TENM3: variants seen among roughly 807,000 people sequenced by gnomAD.
The protein encoded by TENM3 is teneurin-3.
TENM3 carries 63 observed loss-of-function variants against 255.1 expected under a neutral mutation model. The observed-to-expected ratio is 0.25, with a 90% CI of 0.20 to 0.30. TENM3 has a LOEUF of 0.30. Ranked by LOEUF, TENM3 falls within the 10% of genes least tolerant of loss-of-function variation. TENM3 has a pLI of 1.00. For synonymous variants in TENM3, 1,306 were observed against 1,322.3 expected, an observed-to-expected ratio of 0.99 and a Z score of 0.27; for missense variants, 2,929 against 3,461.1, an observed-to-expected ratio of 0.85 and a Z score of 3.86.
the TENM3 span, among the ~76,000 whole-genome samples, chr4:181,658,480 C>A: frequency 1.3e-5 from 2 of 152,138 alleles, no homozygotes; most frequent in Non-Finnish European, 1.5e-5. Flanking sequence ...AAAGGAAAAG[C>A]CCCGCTGGAC....
intron 3 of TENM3, among the ~76,000 whole-genome samples, chr4:182,589,933 G>A (rs1041069670): frequency 6.6e-5 from 10 of 152,126 alleles, no homozygotes; most frequent in African/African-American, 1.9e-4. Context: ...AGCCGAGATC[G>A]CACCGCTGCA....
chr4:181,891,789 C>T, the TENM3 span, among the ~76,000 whole-genome samples: 6,802 of 152,156 alleles, frequency 0.045, 236 homozygotes, highest in Non-Finnish European at 0.072. Context: ...AAAATGAATC[C>T]TTTGCCTAAC....
the TENM3 span, among the ~76,000 whole-genome samples, chr4:181,714,283 G>GAA: frequency 6.7e-4 from 101 of 151,540 alleles, no homozygotes; most frequent in African/African-American, 2.3e-3. Context: ...AAAGAAGTTA[G>GAA]AAAAAAAAAT....
At chr4:181,542,675 T>C in the TENM3 span, among the ~76,000 whole-genome samples, 2 of 152,202 alleles carry the variant, frequency 1.3e-5, no homozygotes, top group Non-Finnish European at 2.9e-5. Flanking sequence ...AAATTTAGAT[T>C]AACTGGCTCT....
At chr4:182,737,141 T>C in intron 17 of TENM3, 66 bp downstream of exon 17, 1 of 1,514,684 alleles carries the variant, frequency 6.6e-7, no homozygotes, top group Non-Finnish European at 9.0e-7. Context: ...CATAAATTAA[T>C]TGTAACCCAG....
In TENM3 at chr4:182,291,840, C is replaced by G. The variant is rs73869910; in HGVS notation, c.-75-32106C>G. 6.6e-3 allele frequency among the ~76,000 whole-genome samples: 1,000 copies of G among 152,222 alleles called. 13 individuals carry two copies. Among genetic ancestry groups the G allele is most frequent in the African/African-American group, 0.022 (919 of 41,538 alleles). On this transcript the variant is annotated intron_variant, in intron 1 of 27. Coordinates refer to ENST00000511685, the MANE Select transcript of TENM3 (RefSeq NM_001080477.4). ...GGGTCGCGTTCCCATGGCATATTGT[C>G]TCCAGGCGCTCTAGGGTCTTAAACT...
intron 1 of TENM3, among the ~76,000 whole-genome samples, chr4:182,202,399 G>A (rs772634482): frequency 2.9e-4 from 42 of 147,198 alleles, no homozygotes; most frequent in Non-Finnish European, 5.9e-4. Flanking sequence ...TCTGCCTCCC[G>A]GGTTCAAGTG....
chr4:181,614,609 G>A, the TENM3 span, among the ~76,000 whole-genome samples: 3 of 152,178 alleles, frequency 2.0e-5, no homozygotes, highest in Admixed American at 2.0e-4. Context: ...GCATTCAACT[G>A]TTCTTCCTGC....
intron 5 of TENM3, among the ~76,000 whole-genome samples, chr4:182,650,368 T>C (rs1013853518): frequency 4.0e-5 from 6 of 150,396 alleles, no homozygotes; most frequent in Non-Finnish European, 8.9e-5. Context: ...GGATCCTTTG[T>C]GCCATCCATG....
chr4:181,535,734 A>G, the TENM3 span, among the ~76,000 whole-genome samples: 3 of 152,260 alleles, frequency 2.0e-5, no homozygotes, highest in South Asian at 6.2e-4. Context: ...CTCGGAGACC[A>G]TGGACTTCCT....
the TENM3 span, among the ~76,000 whole-genome samples, chr4:181,467,322 A>G: frequency 6.7e-6 from 1 of 149,434 alleles, no homozygotes; most frequent in Non-Finnish European, 1.5e-5. Flanking sequence ...TTTAGTAGAG[A>G]CGGGGTTTCG....
chr4:182,621,065 C>T (rs1163299833), intron 4 of TENM3, among the ~76,000 whole-genome samples: 1 of 151,948 alleles, frequency 6.6e-6, no homozygotes, highest in Non-Finnish European at 1.5e-5. Context: ...CCTGTAGTCC[C>T]AGCCACTCGG....
intron 1 of TENM3, among the ~76,000 whole-genome samples, chr4:182,204,018 C>T (rs903123641): frequency 6.6e-6 from 1 of 152,146 alleles, no homozygotes; most frequent in African/African-American, 2.4e-5. Context: ...AGGGTAGACA[C>T]TAATGAAGCA....
chr4:181,750,962 C>T, the TENM3 span, among the ~76,000 whole-genome samples: 1 of 152,150 alleles, frequency 6.6e-6, no homozygotes, highest in African/African-American at 2.4e-5. Context: ...TAGGCTGTAT[C>T]TGCTTCTACA....
At chr4:181,862,164 T>C in the TENM3 span, among the ~76,000 whole-genome samples, 1 of 152,214 alleles carries the variant, frequency 6.6e-6, no homozygotes, top group East Asian at 1.9e-4. Context: ...ACAAAATAGA[T>C]ATTTAATTAA....
At chr4:182,338,701 C>T (rs530883058) in intron 2 of TENM3, among the ~76,000 whole-genome samples, 2 of 151,990 alleles carry the variant, frequency 1.3e-5, no homozygotes, top group African/African-American at 2.4e-5. Context: ...ATAATAATGT[C>T]TCTGCACCAT....
the TENM3 span, among the ~76,000 whole-genome samples, chr4:181,718,011 A>G: frequency 5.3e-5 from 8 of 152,228 alleles, no homozygotes; most frequent in East Asian, 1.9e-4. Flanking sequence ...GATACATCAG[A>G]TAACTTGCTA....
intron 3 of TENM3, among the ~76,000 whole-genome samples, chr4:182,466,065 A>G (rs1157153385): frequency 6.6e-6 from 1 of 152,198 alleles, no homozygotes; most frequent in African/African-American, 2.4e-5. Context: ...TTTAAACCTC[A>G]ATGTAAATCA....
the TENM3 span, chr4:181,976,269 AC>A: frequency 6.6e-6 from 1 of 152,112 alleles, no homozygotes; most frequent in Non-Finnish European, 1.5e-5. Context: ...ACAGGCAAGC[AC>A]CACCATGCCC....
Sources: allele counts gnomAD v4.1 joint callset (sites outside exome capture counted in the v4.1 genomes callset), GRCh38; gene constraint gnomAD v4.1.1; transcripts MANE v1.5; gene names NCBI Gene and HGNC (gene_info 2026-07-23, HGNC 2026-07-21).